NTNG1: variants seen among roughly 807,000 people sequenced by gnomAD.
The protein encoded by NTNG1 is netrin-G1.
Under a neutral mutation model 54.0 loss-of-function variants are expected in NTNG1, and 16 were observed. The observed-to-expected ratio is 0.30, with a 90% CI of 0.20 to 0.45. NTNG1 has a LOEUF of 0.45. Ranked by LOEUF, NTNG1 falls within the 20% of genes least tolerant of loss-of-function variation. The probability of loss-of-function intolerance (pLI) is 1.00; values close to 1 mark genes in which losing one functional copy is unlikely to be tolerated. For synonymous variants in NTNG1, 255 were observed against 263.1 expected (o/e 0.97, Z 0.30); for missense variants, 530 against 678.7 (o/e 0.78, Z 2.43).
chr1:107,379,781 A>T (rs1048421431), intron 3 of NTNG1, among the ~76,000 whole-genome samples: 4 of 152,224 alleles, frequency 2.6e-5, no homozygotes, highest in African/African-American at 9.6e-5. Context: ...ACAGATGAGG[A>T]AATTAAGATA....
At chr1:107,351,564 A>G (rs1417187191) in intron 3 of NTNG1, among the ~76,000 whole-genome samples, 1 of 152,180 alleles carries the variant, frequency 6.6e-6, no homozygotes, top group Non-Finnish European at 1.5e-5. Flanking sequence ...CCCATGATCC[A>G]ATCACTTCCC....
intron 3 of NTNG1, among the ~76,000 whole-genome samples, chr1:107,337,025 G>A (rs1202439388): frequency 6.6e-6 from 1 of 151,894 alleles, no homozygotes; most frequent in Non-Finnish European, 1.5e-5. Flanking sequence ...CTAATGAAAT[G>A]GTACAGACAC....
At chr1:107,189,421 C>G (rs1183323411) in intron 2 of NTNG1, among the ~76,000 whole-genome samples, 1 of 135,484 alleles carries the variant, frequency 7.4e-6, no homozygotes, top group Non-Finnish European at 1.6e-5. Context: ...GTAAGTAACT[C>G]TTAGTTTTTT....
At chr1:107,259,931 C>A (rs1663193313) in intron 2 of NTNG1, among the ~76,000 whole-genome samples, 1 of 152,146 alleles carries the variant, frequency 6.6e-6, no homozygotes, top group East Asian at 1.9e-4. Flanking sequence ...GATTCAGAGT[C>A]CAGAATAAGT....
chr1:107,346,208 A>C (rs1422661568), intron 3 of NTNG1, among the ~76,000 whole-genome samples: 1 of 152,240 alleles, frequency 6.6e-6, no homozygotes, highest in Non-Finnish European at 1.5e-5. Flanking sequence ...TCAGTAATAC[A>C]GCTCTGGAAG....
At chr1:107,432,877 T>C (rs958772809) in intron 6 of NTNG1, among the ~76,000 whole-genome samples, 1 of 152,112 alleles carries the variant, frequency 6.6e-6, no homozygotes, top group Non-Finnish European at 1.5e-5. Context: ...AGTTTGGCCT[T>C]TTTTCCAGTT....
chr1:107,372,964 G>A (rs914540663), intron 3 of NTNG1, among the ~76,000 whole-genome samples: 4 of 151,972 alleles, frequency 2.6e-5, no homozygotes, highest in South Asian at 2.1e-4. Flanking sequence ...AGCTTCCTTC[G>A]GGTTAGTGTT....
chr1:107,321,317 T>C (rs559831109), intron 2 of NTNG1, among the ~76,000 whole-genome samples: 7 of 152,172 alleles, frequency 4.6e-5, no homozygotes, highest in African/African-American at 1.7e-4. Context: ...CATGTATGAA[T>C]CTTTACTCTC....
intron 5 of NTNG1, among the ~76,000 whole-genome samples, chr1:107,415,863 C>A (rs1674162579): frequency 6.6e-6 from 1 of 152,000 alleles, no homozygotes; most frequent in African/African-American, 2.4e-5. Context: ...ATTAAAGTAG[C>A]CTCTAATATG....
At chr1:107,141,267 C>T (rs1448334998) in intron 1 of NTNG1, 127 bp downstream of exon 1, 1 of 151,420 alleles carries the variant, frequency 6.6e-6, no homozygotes, top group Non-Finnish European at 1.5e-5. Flanking sequence ...GGTCCTCACG[C>T]CCACCCCTCC....
intron 7 of NTNG1, among the ~76,000 whole-genome samples, chr1:107,437,469 A>T (rs1034040901): frequency 6.6e-6 from 1 of 152,170 alleles, no homozygotes. Context: ...GAATTATAAA[A>T]TCAAGGCAGA....
chr1:107,322,833 T>C (rs1667730695), intron 2 of NTNG1, among the ~76,000 whole-genome samples: 1 of 152,070 alleles, frequency 6.6e-6, no homozygotes, highest in Non-Finnish European at 1.5e-5. Flanking sequence ...CTTCTCTTCT[T>C]TCTCCTGCCC....
intron 3 of NTNG1, among the ~76,000 whole-genome samples, chr1:107,348,126 T>C (rs1669369578): frequency 6.6e-6 from 1 of 151,732 alleles, no homozygotes; most frequent in African/African-American, 2.4e-5. Flanking sequence ...ATTATTATTA[T>C]TATTATTATT....
intron 2 of NTNG1, among the ~76,000 whole-genome samples, chr1:107,303,342 T>A (rs1440971390): frequency 6.6e-6 from 1 of 152,144 alleles, no homozygotes; most frequent in Non-Finnish European, 1.5e-5. Flanking sequence ...TTAATGAGAT[T>A]AGAAAGTGAG....
At chr1:107,393,916 AAAAAT>A (rs1187070847) in intron 3 of NTNG1, among the ~76,000 whole-genome samples, 1 of 152,122 alleles carries the variant, frequency 6.6e-6, no homozygotes, top group African/African-American at 2.4e-5. Context: ...GGCCCAAGAG[AAAAAT>A]AAAATAAAAT....
At chr1:107,411,987 C>A (rs1673844961) in intron 5 of NTNG1, among the ~76,000 whole-genome samples, 3 of 152,122 alleles carry the variant, frequency 2.0e-5, no homozygotes, top group Admixed American at 2.0e-4. Context: ...ACTTAAATGT[C>A]TTTTTAAAAT....
At chr1:107,333,837 A>G (rs1270708651) in intron 3 of NTNG1, 1 of 143,162 alleles carries the variant, frequency 7.0e-6, no homozygotes, top group Non-Finnish European at 1.5e-5. Context: ...TTTTTTTTTT[A>G]ACTGTCGCTC....
intron 5 of NTNG1, among the ~76,000 whole-genome samples, chr1:107,412,642 ATCAGAGT>A (rs1673901903): frequency 6.6e-6 from 1 of 152,148 alleles, no homozygotes. Flanking sequence ...CTGGAGAAAA[ATCAGAGT>A]TCATTTTCGG....
intron 5 of NTNG1, among the ~76,000 whole-genome samples, chr1:107,414,250 C>A (rs553990325): frequency 6.6e-6 from 1 of 152,212 alleles, no homozygotes; most frequent in South Asian, 2.1e-4. Flanking sequence ...TATTTCCTTC[C>A]AGAGTCCAAT....
Sources: allele counts gnomAD v4.1 joint callset (sites outside exome capture counted in the v4.1 genomes callset), GRCh38; gene constraint gnomAD v4.1.1; transcripts MANE v1.5; gene names NCBI Gene and HGNC (gene_info 2026-07-23, HGNC 2026-07-21).